GRIA2: variants seen among roughly 807,000 people sequenced by gnomAD.
The protein encoded by GRIA2 is glutamate ionotropic receptor AMPA type subunit 2.
GRIA2 carries 14 observed loss-of-function variants against 97.3 expected under a neutral mutation model. The ratio of observed to expected loss-of-function variants is 0.14; its 90% CI spans 0.10 to 0.23. The LOEUF is 0.23. GRIA2 is among the 10% of genes least tolerant of loss of function. GRIA2 has a pLI of 1.00. For missense variants in GRIA2, 558 were observed against 1,069.8 expected (o/e 0.52, Z 6.67); for synonymous variants, 412 against 387.8 (o/e 1.06, Z -0.73).
At chr4:157,261,491 CCAAT>C (rs937566616) in intron 2 of GRIA2, among the ~76,000 whole-genome samples, 1 of 151,926 alleles carries the variant, frequency 6.6e-6, no homozygotes, top group Non-Finnish European at 1.5e-5. Flanking sequence ...GCAAACAACA[CCAAT>C]CAAACAAATT....
chr4:157,265,858 T>G (rs537730447), intron 2 of GRIA2, among the ~76,000 whole-genome samples: 2 of 152,178 alleles, frequency 1.3e-5, no homozygotes, highest in African/African-American at 4.8e-5. Context: ...TTAAGCATAG[T>G]TCAGAAATAA....
rs187909208 is a variant in GRIA2 at position 157,260,849 on chromosome 4, T to C, written c.229+39042T>C. Among the ~76,000 whole-genome samples, 372 of 152,092 alleles carry C rather than the reference T, an allele frequency of 2.4e-3. 1 individual carries two copies. The highest frequency in any genetic ancestry group is 0.024 in the Middle Eastern group (7 of 294). ...TTTCTTCCTTCTTTTTCTTCCCTTC[T>C]TCTCCCTTTCTCTCTTTCTCCTCTA... On this transcript the variant is annotated intron_variant, in intron 2 of 15. Transcript: ENST00000264426.
At chr4:157,307,180 G>T (rs62331546) in intron 3 of GRIA2, among the ~76,000 whole-genome samples, 11,054 of 152,122 alleles carry the variant, frequency 0.073, 523 homozygotes, top group Non-Finnish European at 0.1. Flanking sequence ...CCAACATTCT[G>T]CCCTAATCAT....
chr4:157,329,304 T>G (rs1195160678), intron 6 of GRIA2, among the ~76,000 whole-genome samples: 1 of 152,004 alleles, frequency 6.6e-6, no homozygotes, highest in African/African-American at 2.4e-5. Flanking sequence ...TAATATTGCA[T>G]AAGATTCTCC....
upstream of GRIA2, chr4:157,220,662 GT>G: frequency 3.9e-6 from 1 of 255,414 alleles, no homozygotes; most frequent in Non-Finnish European, 7.5e-6. Flanking sequence ...ATGTGTGTGT[GT>G]GTGTGTGTGT....
At chr4:157,222,503 G>C (rs1729546021) in intron 2 of GRIA2, among the ~76,000 whole-genome samples, 1 of 152,160 alleles carries the variant, frequency 6.6e-6, no homozygotes, top group East Asian at 1.9e-4. Context: ...TGGAAAGGGG[G>C]AGCGCTGTCA....
intron 6 of GRIA2, among the ~76,000 whole-genome samples, chr4:157,321,876 A>G (rs1351740587): frequency 1.3e-5 from 2 of 152,086 alleles, no homozygotes; most frequent in East Asian, 1.9e-4. Context: ...TGGCATTTTT[A>G]TTGAGTGGAT....
chr4:157,237,122 T>A (rs540900071), intron 2 of GRIA2, among the ~76,000 whole-genome samples: 1 of 152,246 alleles, frequency 6.6e-6, no homozygotes, highest in Non-Finnish European at 1.5e-5. Context: ...TGTGCTTTAA[T>A]ACCATCATAT....
chr4:157,233,573 A>C (rs1730116944), intron 2 of GRIA2, among the ~76,000 whole-genome samples: 1 of 152,114 alleles, frequency 6.6e-6, no homozygotes, highest in Non-Finnish European at 1.5e-5. Context: ...TCTTTGTAGA[A>C]TAAGGCTCAG....
rs1736294220 is a variant in GRIA2 at position 157,355,927 on chromosome 4, A to ATATAAATATT, written c.2044-3965_2044-3964insAATATTTATA. Among the ~76,000 whole-genome samples, 5 of 54,516 alleles carry ATATAAATATT rather than the reference A, an allele frequency of 9.2e-5. 1 individual carries two copies. The Admixed American group carries it at 1.7e-3, about 19-fold the overall frequency. The allele number at this position is 54,516 out of a possible 152,430, so 35.8% of individuals were successfully genotyped here. A position where few individuals can be genotyped will look rare whatever the true frequency, so the allele number is the denominator to read the frequency against. On this transcript the variant is annotated intron_variant, in intron 12 of 15. Transcript: ENST00000264426. ...AATATATATATATTAATATATTTAT[A>ATATAAATATT]TATATTTATATATTAATATATATTT...
At chr4:157,293,545 A>G (rs1268510151) in intron 2 of GRIA2, among the ~76,000 whole-genome samples, 2 of 152,154 alleles carry the variant, frequency 1.3e-5, no homozygotes, top group African/African-American at 4.8e-5. Flanking sequence ...ATCCCACATT[A>G]TTGTTAACAA....
At chr4:157,293,063 AATT>A (rs1309033117) in intron 2 of GRIA2, among the ~76,000 whole-genome samples, 15 of 152,164 alleles carry the variant, frequency 9.9e-5, no homozygotes, top group African/African-American at 3.6e-4. Context: ...GAAAAATATC[AATT>A]ATTAGTGAAT....
rs114861537 is a variant in GRIA2 at position 157,245,971 on chromosome 4, G to A, written c.229+24164G>A. ...ATGTTTCCTCTGGTTTATTTTTCTCGTCATATACAACCTCATTCCAATTTT... is the reference window on the plus strand; with the variant it reads ...ATGTTTCCTCTGGTTTATTTTTCTCATCATATACAACCTCATTCCAATTTT... On this transcript the variant is annotated intron_variant, in intron 2 of 15. Transcript: ENST00000264426. Among the ~76,000 whole-genome samples the A allele has an allele frequency of 4.2e-3, 643 of 151,912 alleles. 4 individuals are homozygous for A. Among genetic ancestry groups the A allele is most frequent in the African/African-American group, 0.014 (586 of 41,470 alleles).
At chr4:157,273,388 A>G (rs112427047) in intron 2 of GRIA2, among the ~76,000 whole-genome samples, 4,540 of 152,164 alleles carry the variant, frequency 0.03, 69 homozygotes, top group Middle Eastern at 0.085. Flanking sequence ...CAGAACAAGC[A>G]TCAGAACCAG....
intron 2 of GRIA2, among the ~76,000 whole-genome samples, chr4:157,223,097 G>GT (rs537813296): frequency 8.9e-4 from 136 of 152,338 alleles, no homozygotes; most frequent in African/African-American, 3.1e-3. Flanking sequence ...CCCAACTGCA[G>GT]TTTTCCCACG....
intron 2 of GRIA2, among the ~76,000 whole-genome samples, chr4:157,270,183 G>A (rs1187383580): frequency 1.3e-5 from 2 of 152,108 alleles, no homozygotes; most frequent in Non-Finnish European, 2.9e-5. Flanking sequence ...GGAGCTTTAT[G>A]TGGCAGAGGA....
chr4:157,270,291 G>T (rs1395542488), intron 2 of GRIA2, among the ~76,000 whole-genome samples: 1 of 152,044 alleles, frequency 6.6e-6, no homozygotes, highest in African/African-American at 2.4e-5. Context: ...CACTCTAAAA[G>T]GCAGTAGGCC....
intron 2 of GRIA2, among the ~76,000 whole-genome samples, chr4:157,290,183 T>A (rs1733029678): frequency 6.6e-6 from 1 of 151,902 alleles, no homozygotes; most frequent in African/African-American, 2.4e-5. Flanking sequence ...AATTAAGTGG[T>A]AGATTTTGGT....
chr4:157,289,652 A>C (rs558996208), intron 2 of GRIA2, among the ~76,000 whole-genome samples: 1 of 151,952 alleles, frequency 6.6e-6, no homozygotes, highest in South Asian at 2.1e-4. Flanking sequence ...GCAAAGATTA[A>C]ATTTACAAAT....
Sources: allele counts gnomAD v4.1 joint callset (sites outside exome capture counted in the v4.1 genomes callset), GRCh38; gene constraint gnomAD v4.1.1; transcripts MANE v1.5; gene names NCBI Gene and HGNC (gene_info 2026-07-23, HGNC 2026-07-21).